XRN2: variants seen among roughly 807,000 people sequenced by gnomAD.
XRN2 encodes 5'-3' exoribonuclease 2.
Under a neutral mutation model 138.5 loss-of-function variants are expected in XRN2, and 44 were observed. The ratio of observed to expected loss-of-function variants is 0.32; its 90% CI spans 0.25 to 0.41. The LOEUF is 0.41. Among genes scored for constraint, XRN2 ranks in the 10% least tolerant of loss-of-function variants. The pLI is 1.00. For missense variants in XRN2, 937 were observed against 1,169.3 expected (o/e 0.80, Z 2.90); for synonymous variants, 354 against 369.4 (o/e 0.96, Z 0.48).
At chr20:21,378,793 G>C (rs773823083) in intron 27 of XRN2, among the ~76,000 whole-genome samples, 14 of 152,112 alleles carry the variant, frequency 9.2e-5, no homozygotes, top group Admixed American at 2.6e-4. Flanking sequence ...CACTCAAGAA[G>C]GGCCATTTGG....
intron 14 of XRN2, 36 bp from the exon 15 acceptor site, chr20:21,340,685 T>G (rs555610737): frequency 6.2e-7 from 1 of 1,602,286 alleles, no homozygotes; most frequent in East Asian, 2.2e-5. Context: ...TGTTGTGATT[T>G]AATTTTAATT....
At chr20:21,328,410 T>A in intron 3 of XRN2, 149 bp from the exon 4 acceptor site, 1 of 750,840 alleles carries the variant, frequency 1.3e-6, no homozygotes, top group Non-Finnish European at 2.1e-6. Flanking sequence ...CAGCATCTGG[T>A]ATCTGTCATG....
intron 28 of XRN2, among the ~76,000 whole-genome samples, chr20:21,382,749 T>C (rs918589559): frequency 4.6e-5 from 7 of 152,312 alleles, no homozygotes; most frequent in African/African-American, 1.4e-4. Flanking sequence ...AGTTGTGTGC[T>C]CCTAAGTCCG....
intron 1 of XRN2, among the ~76,000 whole-genome samples, chr20:21,314,844 C>T (rs2037935750): frequency 6.6e-6 from 1 of 152,170 alleles, no homozygotes; most frequent in South Asian, 2.1e-4. Context: ...GAGACAAGGA[C>T]ATCCATGTAC....
chr20:21,379,501 A>G (rs2038860066), intron 27 of XRN2, among the ~76,000 whole-genome samples: 1 of 152,168 alleles, frequency 6.6e-6, no homozygotes, highest in African/African-American at 2.4e-5. Flanking sequence ...ATCAGAGTTT[A>G]TTGAAAGTTT....
At chr20:21,381,527 CTTAATG>C (rs1239538532) in intron 27 of XRN2, among the ~76,000 whole-genome samples, 2 of 152,102 alleles carry the variant, frequency 1.3e-5, no homozygotes, top group Non-Finnish European at 2.9e-5. Flanking sequence ...GTGTGCTCTG[CTTAATG>C]TTAATGAAAG....
At chr20:21,327,700 G>C (rs1205534554) in intron 3 of XRN2, among the ~76,000 whole-genome samples, 1 of 152,108 alleles carries the variant, frequency 6.6e-6, no homozygotes, top group Admixed American at 6.5e-5. Context: ...GTGTGTACAT[G>C]TTTATACACA....
intron 17 of XRN2, 116 bp downstream of exon 17, chr20:21,346,666 C>CACGCCTGCACCT: frequency 7.6e-7 from 1 of 1,311,904 alleles, no homozygotes; most frequent in Non-Finnish European, 1.0e-6. Context: ...GTCACCTGGG[C>CACGCCTGCACCT]GGGAGGGCAA....
rs2038729847 is a variant in XRN2, at chr20:21,368,646, T to C, written c.2584+56T>C. The C allele has an allele frequency of 8.1e-6, 13 of 1,598,424 alleles. No individual in the cohort carries two copies. The South Asian group carries it at 1.4e-4, about 17-fold the overall frequency. On this transcript the variant is annotated intron_variant, in intron 27 of 29. Transcript: ENST00000377191. ...TATAAATTAAATATCACAGCAAATG[T>C]TGGTTTCTAATCTTCTTTGCTGAAA...
chr20:21,315,776 G>A (rs2037950872), intron 1 of XRN2, among the ~76,000 whole-genome samples: 1 of 152,202 alleles, frequency 6.6e-6, no homozygotes, highest in African/African-American at 2.4e-5. Context: ...GGGATTACAG[G>A]CGTGAGCCAT....
At chr20:21,356,785 C>G (rs1345269715) in intron 23 of XRN2, 120 bp downstream of exon 23, 1 of 892,344 alleles carries the variant, frequency 1.1e-6, no homozygotes, top group African/African-American at 1.7e-5. Context: ...TAAAATAAGA[C>G]AAAACCTTGC....
At chr20:21,360,790 A>C (rs1175239297) in intron 24 of XRN2, among the ~76,000 whole-genome samples, 2 of 152,224 alleles carry the variant, frequency 1.3e-5, no homozygotes, top group African/African-American at 4.8e-5. Context: ...GAATACATGC[A>C]GTCAGCAGTG....
rs144130904 is a variant in XRN2 at position 21,332,406 on chromosome 20, A to T, written c.824A>T (p.Asp275Val). Residue 275 changes from aspartate (D) to valine (V), a missense_variant, in exon 9 of 30, where the codon GAT (aspartate) becomes GTT (valine). By Grantham distance (152) the Asp-to-Val change is radical (BLOSUM62 -3). Around this residue, in one of 6 missense-constraint regions of XRN2, gnomAD observed 471 missense variants for 581.2 expected, o/e 0.81. Transcript: ENST00000377191. ...AATCAGTTTGGACATGAGGTCAAAG[A>T]TTGTGAAGGTTTGCCAAGAGAAAAG... ...LCNQFGHEVK[D>V]CEGLPREKKG... The T allele has an allele frequency of 7.1e-5, 115 of 1,612,736 alleles. No homozygotes were observed. The African/African-American group carries it at 1.2e-3, about 17-fold the overall frequency.
intron 20 of XRN2, among the ~76,000 whole-genome samples, chr20:21,350,672 A>G (rs553420666): frequency 6.6e-5 from 10 of 152,114 alleles, no homozygotes; most frequent in African/African-American, 2.4e-4. Context: ...ATTTGGTAAA[A>G]TCATATTTTC....
intron 24 of XRN2, among the ~76,000 whole-genome samples, chr20:21,359,664 T>C (rs1260613890): frequency 6.6e-6 from 1 of 152,186 alleles, no homozygotes; most frequent in Non-Finnish European, 1.5e-5. Context: ...AACTTTTCCC[T>C]TAGGTAAAAG....
At chr20:21,357,323 G>A (rs1474226343) in intron 23 of XRN2, among the ~76,000 whole-genome samples, 2 of 152,118 alleles carry the variant, frequency 1.3e-5, no homozygotes, top group Non-Finnish European at 2.9e-5. Flanking sequence ...TAGAGTATGT[G>A]TATCTTCATT....
chr20:21,305,553 C>CTTTTTTTTTTT (rs1180206108), intron 1 of XRN2, among the ~76,000 whole-genome samples: 1 of 19,840 alleles, frequency 5.0e-5, no homozygotes, highest in Non-Finnish European at 1.4e-4. Flanking sequence ...CATACGTGGC[C>CTTTTTTTTTTT]TTTTTTTTTT....
intron 13 of XRN2, among the ~76,000 whole-genome samples, chr20:21,337,500 A>G (rs192964560): frequency 1.4e-4 from 22 of 152,254 alleles, no homozygotes; most frequent in Non-Finnish European, 2.4e-4. Context: ...TGGAGATGCT[A>G]AGTATGGAGA....
chr20:21,348,574 C>T (rs2038467527), intron 19 of XRN2, 144 bp downstream of exon 19: 3 of 751,474 alleles, frequency 4.0e-6, no homozygotes, highest in South Asian at 3.7e-5. Context: ...ACATATATTT[C>T]CTGCTTTCTT....
Sources: allele counts gnomAD v4.1 joint callset (sites outside exome capture counted in the v4.1 genomes callset), GRCh38; gene constraint gnomAD v4.1.1; regional missense constraint gnomAD v4.1.1; transcripts MANE v1.5; gene names NCBI Gene and HGNC (gene_info 2026-07-23, HGNC 2026-07-21).